The following TAFA4 variants were observed in gnomAD, a reference collection of about 807,000 sequenced individuals.
TAFA4 encodes the protein TAFA chemokine like family member 4.
Under a neutral mutation model 21.1 loss-of-function variants are expected in TAFA4, and 20 were observed. That is an observed-to-expected ratio of 0.95 (90% CI 0.67 to 1.38). TAFA4 has a LOEUF of 1.38. TAFA4 is among the 40% of genes most tolerant of loss of function. The pLI, the probability that TAFA4 is intolerant of heterozygous loss-of-function variation, is 0.00. For missense variants in TAFA4, 211 were observed against 180.9 expected (o/e 1.17, Z -0.95); for synonymous variants, 71 against 67.4 (o/e 1.05, Z -0.26).
intron 3 of TAFA4, among the ~76,000 whole-genome samples, chr3:68,784,588 C>G (rs192749079): frequency 1.1e-4 from 17 of 152,168 alleles, no homozygotes; most frequent in Middle Eastern, 6.8e-3. Context: ...CAGACCTTTG[C>G]GGTGAGTGTT....
At chr3:68,803,055 G>A (rs1246641526) in intron 3 of TAFA4, among the ~76,000 whole-genome samples, 1 of 152,088 alleles carries the variant, frequency 6.6e-6, no homozygotes, top group East Asian at 1.9e-4. Flanking sequence ...TTCAGTACCT[G>A]AAATGCCATC....
chr3:68,873,374 A>ACACACCCACC (rs1216878409), intron 3 of TAFA4, among the ~76,000 whole-genome samples: 2 of 140,276 alleles, frequency 1.4e-5, no homozygotes, highest in African/African-American at 5.1e-5. Flanking sequence ...ACACACACAC[A>ACACACCCACC]CACCCTGGGC....
rs1278197570 is a variant in TAFA4, at chr3:68,890,267, T to C, written c.-122-4957A>G. Among the ~76,000 whole-genome samples the C allele has an allele frequency of 2.6e-5, 4 of 152,236 alleles. No homozygotes were observed. The East Asian group carries it at 7.7e-4, about 29-fold the overall frequency. ...AAGCAAAAGGTAAGCAATTGGTGAA[T>C]CGGGGCACAAGGTATATGGGAATTC... On this transcript the variant is annotated intron_variant, in intron 1 of 5. Transcript: ENST00000295569.
intron 3 of TAFA4, among the ~76,000 whole-genome samples, chr3:68,786,565 T>C (rs1404861532): frequency 6.6e-6 from 1 of 152,242 alleles, no homozygotes; most frequent in East Asian, 1.9e-4. Flanking sequence ...CTGTTTGAAA[T>C]CTTACCACAT....
intron 1 of TAFA4, among the ~76,000 whole-genome samples, chr3:68,924,684 A>T (rs1461109920): frequency 6.6e-6 from 1 of 152,228 alleles, no homozygotes; most frequent in Non-Finnish European, 1.5e-5. Flanking sequence ...ACCCAGCAAC[A>T]TCCTTACTCA....
At chr3:68,928,524 G>C (rs1171124592) in intron 1 of TAFA4, among the ~76,000 whole-genome samples, 2 of 152,162 alleles carry the variant, frequency 1.3e-5, no homozygotes, top group Non-Finnish European at 2.9e-5. Context: ...CATGTGTTCA[G>C]TTAGGTTCAA....
chr3:68,876,565 C>A (rs988580861), intron 3 of TAFA4, among the ~76,000 whole-genome samples: 4 of 152,100 alleles, frequency 2.6e-5, no homozygotes, highest in African/African-American at 7.2e-5. Context: ...GCTATTTAGT[C>A]AAGAGTATTT....
At chr3:68,914,054 C>T (rs1377607886) in intron 1 of TAFA4, among the ~76,000 whole-genome samples, 1 of 152,134 alleles carries the variant, frequency 6.6e-6, no homozygotes, top group Non-Finnish European at 1.5e-5. Context: ...AAAATGAGTG[C>T]TTACATCTGC....
At chr3:68,770,227 T>G (rs1702927339) in intron 3 of TAFA4, among the ~76,000 whole-genome samples, 1 of 152,326 alleles carries the variant, frequency 6.6e-6, no homozygotes, top group Non-Finnish European at 1.5e-5. Context: ...CAAAAATATC[T>G]CCCTCCTAAA....
intron 3 of TAFA4, among the ~76,000 whole-genome samples, chr3:68,778,453 G>A (rs1703090123): frequency 6.6e-6 from 1 of 152,182 alleles, no homozygotes. Context: ...ATTACAGTTG[G>A]AGACTGATAT....
intron 1 of TAFA4, among the ~76,000 whole-genome samples, chr3:68,910,238 A>T (rs569671457): frequency 3.9e-4 from 59 of 152,274 alleles, no homozygotes; most frequent in African/African-American, 1.3e-3. Context: ...TCTCAAGGGG[A>T]GGTGATTATA....
At position 68,885,178 on chromosome 3, in the gene TAFA4, G is replaced by A; in HGVS notation, c.11C>T (p.Pro4Leu). 6.2e-7 allele frequency: 1 copy of A among 1,612,598 alleles called. No homozygotes were observed. The highest frequency in any genetic ancestry group is 8.5e-7 in the Non-Finnish European group (1 of 1,179,402). Residue 4 changes from proline (P) to leucine (L), a missense_variant, in exon 2 of 6, where the codon CCA becomes CTA. Pro to Leu is a moderately conservative substitution (Grantham distance 98). Transcript: ENST00000295569. MRS[P>L]RMRVCAKSVL... ...GTGAACGTTAAAATAATCTTACCTT[G>A]GGGACCTCATAAGATGTGGTTCTAG...
At position 68,766,560 on chromosome 3, in the gene TAFA4, A is replaced by T. The variant is rs566764383; in HGVS notation, c.131-13542T>A. The stretch of plus-strand genomic sequence containing the variant: ...AAAATCAATTTTTCCTAAAAAAAAA[A>T]CTCAGAAAATTCCAAAAGCAAAGAT... On this transcript the variant is annotated intron_variant, in intron 3 of 5. Coordinates refer to ENST00000295569, the MANE Select transcript of TAFA4 (RefSeq NM_182522.5). 2.6e-5 allele frequency among the ~76,000 whole-genome samples: 4 copies of T among 152,130 alleles called. No individual in the cohort carries two copies. In the South Asian group the frequency reaches 6.2e-4, roughly 24 times the overall value.
rs114141761 is a variant in TAFA4 at position 68,794,262 on chromosome 3, T to C, written c.131-41244A>G. Among the ~76,000 whole-genome samples, 920 of 152,290 alleles carry C rather than the reference T, an allele frequency of 6.0e-3. 9 individuals carry two copies. The highest frequency in any genetic ancestry group is 0.021 in the African/African-American group (889 of 41,558). ...GTGTCACTTTTTTCCCCTCTACTTA[T>C]CCTTCCTGAAGAACTAATCATTAAC... On this transcript the variant is annotated intron_variant, in intron 3 of 5. Transcript: ENST00000295569.
intron 3 of TAFA4, among the ~76,000 whole-genome samples, chr3:68,833,079 A>C (rs1704438095): frequency 6.6e-6 from 1 of 152,226 alleles, no homozygotes; most frequent in Admixed American, 6.5e-5. Context: ...GTATTTGGGC[A>C]GAGTGTACCA....
chr3:68,862,890 G>T (rs1032771185), intron 3 of TAFA4, among the ~76,000 whole-genome samples: 2 of 135,916 alleles, frequency 1.5e-5, no homozygotes, highest in Admixed American at 1.5e-4. Context: ...CAATCATTTT[G>T]CTGGAGGTTC....
chr3:68,926,513 A>G (rs181216896), intron 1 of TAFA4, among the ~76,000 whole-genome samples: 3 of 152,316 alleles, frequency 2.0e-5, no homozygotes, highest in Admixed American at 1.3e-4. Context: ...CGACAGAAAT[A>G]AAGAGCTGCG....
intron 3 of TAFA4, among the ~76,000 whole-genome samples, chr3:68,878,163 A>G (rs1361443220): frequency 6.6e-6 from 1 of 152,226 alleles, no homozygotes; most frequent in Non-Finnish European, 1.5e-5. Context: ...CAAGCACCAC[A>G]GCATTTTGTG....
intron 3 of TAFA4, among the ~76,000 whole-genome samples, chr3:68,821,749 T>C (rs1485975327): frequency 6.6e-6 from 1 of 152,164 alleles, no homozygotes; most frequent in East Asian, 1.9e-4. Flanking sequence ...GAGTGAAGCC[T>C]GAAGGGTGCA....
Sources: gnomAD v4.1 joint callset for allele counts (sites outside exome capture counted in the v4.1 genomes callset) on GRCh38, gnomAD v4.1.1 for gene constraint, MANE v1.5 for transcripts, NCBI Gene and HGNC (gene_info 2026-07-23, HGNC 2026-07-21) for gene names.